CSMD1: variants seen among roughly 807,000 people sequenced by gnomAD.
The protein encoded by CSMD1 is CUB and sushi domain-containing protein 1.
In CSMD1, 213 loss-of-function variants were observed where a neutral mutation model predicts 417.5. The ratio of observed to expected loss-of-function variants is 0.51; its 90% confidence interval spans 0.46 to 0.57. The LOEUF is 0.57. CSMD1 is among the 20% of genes least tolerant of loss of function. The probability of loss-of-function intolerance (pLI) is 0.00; values close to 1 mark genes in which losing one functional copy is unlikely to be tolerated. For missense variants in CSMD1, 6,923 were observed against 4,529.7 expected (o/e 1.53, Z -15.17); for synonymous variants, 2,862 against 1,736.8 (o/e 1.65, Z -16.11).
At chr8:4,833,452 A>G (rs1164577792) in intron 1 of CSMD1, among the ~76,000 whole-genome samples, 1 of 152,206 alleles carries the variant, frequency 6.6e-6, no homozygotes, top group Non-Finnish European at 1.5e-5. Flanking sequence ...ACCTCTCACT[A>G]GGACCCTACC....
At chr8:4,225,148 C>T (rs1801272559) in intron 3 of CSMD1, among the ~76,000 whole-genome samples, 2 of 152,120 alleles carry the variant, frequency 1.3e-5, no homozygotes, top group African/African-American at 4.8e-5. Context: ...TTTATTTGTT[C>T]ATGTCAGGGC....
At chr8:4,060,816 G>T (rs946989603) in intron 3 of CSMD1, among the ~76,000 whole-genome samples, 1 of 152,104 alleles carries the variant, frequency 6.6e-6, no homozygotes, top group South Asian at 2.1e-4. Context: ...ATGGGGCAAG[G>T]ACTAAAATCA....
In CSMD1 at chr8:3,529,844, C is replaced by G. The variant is rs1317053164; in HGVS notation, c.1345-36118G>C. On this transcript the variant is annotated intron_variant, in intron 10 of 69. Coordinates refer to ENST00000635120, the MANE Select transcript of CSMD1 (RefSeq NM_033225.6). Reference sequence around the variant, plus strand: ...TCAGTGATCTGTAAGCCTACATTTTCTTGGACAATAAATTAATTATAGCAA... The same window carrying G: ...TCAGTGATCTGTAAGCCTACATTTTGTTGGACAATAAATTAATTATAGCAA... Among the ~76,000 whole-genome samples, 3 of 152,166 alleles carry G rather than the reference C, an allele frequency of 2.0e-5. No homozygotes were observed. In the South Asian group the frequency reaches 6.2e-4, roughly 31 times the overall value.
chr8:4,568,542 C>G (rs1029815327), intron 2 of CSMD1, among the ~76,000 whole-genome samples: 22 of 152,038 alleles, frequency 1.4e-4, no homozygotes, highest in African/African-American at 5.1e-4. Flanking sequence ...TGGGTTGATT[C>G]CAAGGTTTTT....
chr8:4,437,352 G>T (rs912818068), intron 2 of CSMD1, among the ~76,000 whole-genome samples: 1 of 152,100 alleles, frequency 6.6e-6, no homozygotes, highest in Non-Finnish European at 1.5e-5. Context: ...TACATTTTAA[G>T]GTATTGCTAA....
intron 11 of CSMD1, among the ~76,000 whole-genome samples, chr8:3,483,908 CA>C (rs1817882158): frequency 6.6e-6 from 1 of 151,988 alleles, no homozygotes; most frequent in Non-Finnish European, 1.5e-5. Flanking sequence ...CAGCTAATGC[CA>C]AAAAAGAAAC....
chr8:3,222,249 G>A (rs1798261922), intron 28 of CSMD1, among the ~76,000 whole-genome samples: 2 of 151,998 alleles, frequency 1.3e-5, no homozygotes, highest in South Asian at 4.2e-4. Context: ...CCTTAAATAT[G>A]CATATCATCA....
At chr8:4,546,301 T>A (rs1797629266) in intron 2 of CSMD1, among the ~76,000 whole-genome samples, 1 of 152,148 alleles carries the variant, frequency 6.6e-6, no homozygotes, top group Non-Finnish European at 1.5e-5. Flanking sequence ...CTCCGGCCAT[T>A]TATGATGGTA....
At chr8:3,819,878 A>T (rs1387817989) in intron 5 of CSMD1, among the ~76,000 whole-genome samples, 2 of 152,162 alleles carry the variant, frequency 1.3e-5, no homozygotes, top group African/African-American at 2.4e-5. Context: ...AACTAAATCA[A>T]GCAGGGATCC....
At chr8:4,212,538 G>C (rs927411938) in intron 3 of CSMD1, among the ~76,000 whole-genome samples, 1 of 151,888 alleles carries the variant, frequency 6.6e-6, no homozygotes, top group Admixed American at 6.6e-5. Flanking sequence ...TTTGAAATTT[G>C]TAGCCTTTTT....
At chr8:3,788,447 A>G (rs2623671) in intron 5 of CSMD1, among the ~76,000 whole-genome samples, 1 of 152,082 alleles carries the variant, frequency 6.6e-6, no homozygotes, top group Non-Finnish European at 1.5e-5. Context: ...CAGCTGAGAT[A>G]AGAGGCAGAA....
intron 8 of CSMD1, among the ~76,000 whole-genome samples, chr8:3,605,395 GCT>G (rs1415406285): frequency 6.6e-6 from 1 of 152,196 alleles, no homozygotes; most frequent in Non-Finnish European, 1.5e-5. Flanking sequence ...AGGTGCCTCT[GCT>G]CTCGCTGGAG....
At chr8:4,575,542 C>T (rs1043003698) in intron 2 of CSMD1, among the ~76,000 whole-genome samples, 1 of 152,158 alleles carries the variant, frequency 6.6e-6, no homozygotes, top group African/African-American at 2.4e-5. Flanking sequence ...GAGAGCACCT[C>T]TTGGCCATCA....
chr8:3,469,779 A>G (rs1193308341), intron 11 of CSMD1, among the ~76,000 whole-genome samples: 1 of 152,236 alleles, frequency 6.6e-6, no homozygotes, highest in Non-Finnish European at 1.5e-5. Flanking sequence ...CAAAGGAAGA[A>G]GAACAACTGT....
chr8:4,248,278 T>A (rs1802831947), intron 3 of CSMD1, among the ~76,000 whole-genome samples: 1 of 152,162 alleles, frequency 6.6e-6, no homozygotes, highest in Non-Finnish European at 1.5e-5. Context: ...TAGTCCACTA[T>A]TCTTTATACA....
chr8:4,756,710 A>T (rs1333894572), intron 1 of CSMD1, among the ~76,000 whole-genome samples: 1 of 152,200 alleles, frequency 6.6e-6, no homozygotes, highest in Non-Finnish European at 1.5e-5. Context: ...CCATGGTTCC[A>T]TATTTCTTTT....
chr8:3,410,171 C>T (rs931365182), intron 12 of CSMD1, among the ~76,000 whole-genome samples: 5 of 152,114 alleles, frequency 3.3e-5, no homozygotes, highest in African/African-American at 1.2e-4. Context: ...CATATGCGTC[C>T]AAATACACCA....
chr8:3,448,006 C>T (rs575979179), intron 12 of CSMD1, among the ~76,000 whole-genome samples: 54 of 152,150 alleles, frequency 3.5e-4, no homozygotes, highest in African/African-American at 1.3e-3. Context: ...AGTCCTGATA[C>T]CACTGGGACC....
intron 15 of CSMD1, among the ~76,000 whole-genome samples, chr8:3,404,334 CAAAAAAAA>C (rs60637061): frequency 1.8e-4 from 25 of 140,612 alleles, no homozygotes; most frequent in African/African-American, 1.6e-4. Flanking sequence ...GACGCTATCT[CAAAAAAAA>C]AAAAAAAAAA....
Sources: allele counts gnomAD v4.1 joint callset (sites outside exome capture counted in the v4.1 genomes callset), GRCh38; gene constraint gnomAD v4.1.1; transcripts MANE v1.5; gene names NCBI Gene and HGNC (gene_info 2026-07-23, HGNC 2026-07-21).